Variants in KAZN observed in about 807,000 individuals in gnomAD.
KAZN encodes the protein kazrin.
A neutral mutation model predicts 87.4 loss-of-function variants in KAZN; 40 were observed. The ratio of observed to expected loss-of-function variants is 0.46; its 90% CI spans 0.36 to 0.60. The LOEUF is 0.60. Among genes scored for constraint, KAZN ranks in the 20% least tolerant of loss-of-function variants. KAZN has a pLI of 0.00. For missense variants in KAZN, 898 were observed against 1,073.9 expected (o/e 0.84, Z 2.29); for synonymous variants, 466 against 458.3 (o/e 1.02, Z -0.22).
At chr1:14,109,400 T>C (rs1284329547) in intron 1 of KAZN, among the ~76,000 whole-genome samples, 1 of 152,236 alleles carries the variant, frequency 6.6e-6, no homozygotes, top group African/African-American at 2.4e-5. Flanking sequence ...GATCCACTTC[T>C]TGAGGACTTT....
At chr1:14,458,807 G>T (rs889078267) in intron 2 of KAZN, among the ~76,000 whole-genome samples, 4 of 152,160 alleles carry the variant, frequency 2.6e-5, no homozygotes, top group African/African-American at 9.7e-5. Context: ...AGCACAACGG[G>T]TGCCATGATT....
At chr1:14,053,814 A>G (rs1245202844) in intron 1 of KAZN, among the ~76,000 whole-genome samples, 1 of 151,742 alleles carries the variant, frequency 6.6e-6, no homozygotes, top group Non-Finnish European at 1.5e-5. Flanking sequence ...ACACTTACCT[A>G]CTAATAGCTT....
chr1:14,918,068 G>A (rs958693929), intron 1 of KAZN, among the ~76,000 whole-genome samples: 4 of 151,926 alleles, frequency 2.6e-5, no homozygotes, highest in African/African-American at 9.7e-5. Context: ...TAGTAGAGAT[G>A]GGGTTTCACC....
At chr1:14,723,886 G>T (rs1489691921) in intron 1 of KAZN, among the ~76,000 whole-genome samples, 1 of 152,190 alleles carries the variant, frequency 6.6e-6, no homozygotes, top group Non-Finnish European at 1.5e-5. Context: ...GAACCCAGAG[G>T]TGATGAAAAG....
intron 2 of KAZN, among the ~76,000 whole-genome samples, chr1:14,246,544 A>C (rs1649531456): frequency 6.6e-6 from 1 of 152,188 alleles, no homozygotes; most frequent in Non-Finnish European, 1.5e-5. Flanking sequence ...ATAAAAATAT[A>C]TAACACACTT....
intron 2 of KAZN, among the ~76,000 whole-genome samples, chr1:14,440,533 T>C (rs1557723388): frequency 6.6e-6 from 1 of 152,250 alleles, no homozygotes; most frequent in East Asian, 1.9e-4. Flanking sequence ...GAACCTCTAA[T>C]GCCTAATTCA....
At chr1:14,992,235 T>A (rs562514855) in intron 2 of KAZN, among the ~76,000 whole-genome samples, 4 of 152,096 alleles carry the variant, frequency 2.6e-5, no homozygotes, top group Non-Finnish European at 5.9e-5. Context: ...ACATGTGACC[T>A]CCTCAGGGAG....
chr1:14,461,915 C>T (rs1667873043), intron 2 of KAZN, among the ~76,000 whole-genome samples: 1 of 151,932 alleles, frequency 6.6e-6, no homozygotes, highest in Non-Finnish European at 1.5e-5. Context: ...AAAGTCTCCC[C>T]TTGGGAAAAC....
chr1:14,014,703 G>T (rs1388913915), intron 1 of KAZN, among the ~76,000 whole-genome samples: 3 of 152,222 alleles, frequency 2.0e-5, no homozygotes, highest in African/African-American at 7.2e-5. Flanking sequence ...CAGCATAAAT[G>T]TTGGAAGGAG....
chr1:14,279,438 T>G (rs1025414160), intron 2 of KAZN, among the ~76,000 whole-genome samples: 1 of 152,178 alleles, frequency 6.6e-6, no homozygotes. Flanking sequence ...ACGAAGGCAT[T>G]TTTAAACAAT....
At chr1:14,746,398 G>A (rs1011150269) in intron 1 of KAZN, among the ~76,000 whole-genome samples, 5 of 152,220 alleles carry the variant, frequency 3.3e-5, no homozygotes, top group South Asian at 2.1e-4. Context: ...TTAAAAGTGC[G>A]GAGGACTCAG....
rs1490385368 is a variant in KAZN at position 15,056,329 on chromosome 1, A to G, written c.916+49A>G. On this transcript the variant is annotated intron_variant, in intron 5 of 14. Coordinates refer to ENST00000376030, the MANE Select transcript of KAZN (RefSeq NM_201628.3). The surrounding 1 kb of genome is among the most constrained non-coding windows in gnomAD (Gnocchi z 5.4). The stretch of plus-strand genomic sequence containing the variant: ...CCACCACGGCTTCGAGGGGCTTCAC[A>G]GGAGGCCATCTGACCCAGTGGGAGA... 46 of 1,533,590 alleles carry G rather than the reference A, an allele frequency of 3.0e-5. 1 individual carries two copies. The highest frequency in any genetic ancestry group is 3.8e-5 in the Non-Finnish European group (43 of 1,130,672). The allele number at this position is 1,533,590 out of a possible 1,614,324, so 95.0% of individuals were successfully genotyped here. A position where few individuals can be genotyped will look rare whatever the true frequency, so the allele number is the denominator to read the frequency against.
intron 2 of KAZN, among the ~76,000 whole-genome samples, chr1:15,014,290 C>T (rs1190466475): frequency 6.6e-6 from 1 of 152,138 alleles, no homozygotes; most frequent in Non-Finnish European, 1.5e-5. Context: ...GTGACTTTTA[C>T]TTTCTGAGCC....
intron 2 of KAZN, among the ~76,000 whole-genome samples, chr1:14,398,086 C>T (rs931977250): frequency 2.0e-5 from 3 of 152,090 alleles, no homozygotes; most frequent in Non-Finnish European, 4.4e-5. Flanking sequence ...TATAGCTGCT[C>T]GCTCCCTAGC....
chr1:14,365,368 T>TGAG (rs1418861186), intron 2 of KAZN, among the ~76,000 whole-genome samples: 1 of 83,158 alleles, frequency 1.2e-5, no homozygotes, highest in Non-Finnish European at 2.8e-5. Flanking sequence ...CCCCCCGGGG[T>TGAG]GGGGGGGGGG....
intron 2 of KAZN, among the ~76,000 whole-genome samples, chr1:14,291,474 C>T (rs1444156556): frequency 1.3e-5 from 2 of 152,182 alleles, no homozygotes; most frequent in African/African-American, 4.8e-5. Context: ...GCTCCATAGG[C>T]GTGGGACCTG....
intron 1 of KAZN, among the ~76,000 whole-genome samples, chr1:14,779,308 A>T (rs2100636271): frequency 6.6e-6 from 1 of 152,242 alleles, no homozygotes; most frequent in East Asian, 1.9e-4. Context: ...TGACTCCTAC[A>T]CATCCTGCCA....
intron 2 of KAZN, among the ~76,000 whole-genome samples, chr1:14,378,065 T>G (rs1242077762): frequency 2.6e-5 from 4 of 152,228 alleles, no homozygotes; most frequent in Non-Finnish European, 5.9e-5. Context: ...GTTTATTAAT[T>G]TAACAAATGT....
chr1:14,086,540 T>A (rs1363630267), intron 1 of KAZN, among the ~76,000 whole-genome samples: 1 of 152,248 alleles, frequency 6.6e-6, no homozygotes, highest in Non-Finnish European at 1.5e-5. Flanking sequence ...GATGTTAAAT[T>A]TATCAATTGT....
Sources: allele counts gnomAD v4.1 joint callset (sites outside exome capture counted in the v4.1 genomes callset), GRCh38; gene constraint gnomAD v4.1.1; non-coding constraint Gnocchi (gnomAD v3.1); transcripts MANE v1.5; gene names NCBI Gene and HGNC (gene_info 2026-07-23, HGNC 2026-07-21).